Variants in FXN observed in about 807,000 individuals in gnomAD.
The protein encoded by FXN is frataxin, also known as frataxin, mitochondrial.
Under a neutral mutation model 22.4 loss-of-function variants are expected in FXN, and 14 were observed. That is an observed-to-expected ratio of 0.62 (90% confidence interval 0.41 to 0.98). The LOEUF (loss-of-function observed/expected upper bound fraction) is 0.98. FXN is among the 50% of genes least tolerant of loss of function. The pLI, the probability that FXN is intolerant of heterozygous loss-of-function variation, is 0.00. For missense variants in FXN, 267 were observed against 268.4 expected, an observed-to-expected ratio of 0.99 and a Z score of 0.04; for synonymous variants, 120 against 114.1, an observed-to-expected ratio of 1.05 and a Z score of -0.33.
intron 3 of FXN, among the ~76,000 whole-genome samples, chr9:69,057,079 T>G: frequency 6.6e-6 from 1 of 152,102 alleles, no homozygotes. Context: ...CTGAAATAAT[T>G]TTTTTGAAAG....
chr9:69,052,935 C>G (rs1283147889), intron 2 of FXN, among the ~76,000 whole-genome samples: 5 of 146,346 alleles, frequency 3.4e-5, no homozygotes, highest in Admixed American at 7.0e-5. Context: ...CTTGATGTCA[C>G]GAGTTCAGAC....
intron 4 of FXN, among the ~76,000 whole-genome samples, chr9:69,067,257 G>A (rs1832184238): frequency 6.6e-6 from 1 of 152,266 alleles, no homozygotes; most frequent in East Asian, 1.9e-4. Context: ...CACAGACTGC[G>A]GGGTTCCGGG....
chr9:69,035,983 CGCCGCGGGCCGCACGCCGCACGCCT>C, intron 1 of FXN, 36 bp downstream of exon 1: 3 of 1,381,034 alleles, frequency 2.2e-6, no homozygotes, highest in Non-Finnish European at 2.8e-6. Flanking sequence ...GCGGGCCGCA[CGCCGCGGGCCGCACGCCGCACGCCT>C]GCGCAGGGAG....
chr9:69,065,826 T>C (rs1832157967), intron 4 of FXN, among the ~76,000 whole-genome samples: 1 of 152,244 alleles, frequency 6.6e-6, no homozygotes, highest in South Asian at 2.1e-4. Context: ...AGTTGCACTT[T>C]GTCTTCAAAG....
Position 69,077,103 on chromosome 9 carries a change from G to A in FXN, c.*4341G>A, listed in dbSNP as rs543710417. On this transcript the variant is annotated 3_prime_UTR_variant, in exon 5 of 5. Transcript: ENST00000484259. ...TAATTTTTGTATTTTTAGTAGAGAC[G>A]GGGTTTCACCATCATGGCCAGGCTG... 3 of 479,254 alleles carry A rather than the reference G, an allele frequency of 6.3e-6. No homozygotes were observed. The highest frequency in any genetic ancestry group is 1.5e-4 in the East Asian group (1 of 6,496). 29.7% of individuals were successfully genotyped at this position (479,254 alleles called of 1,614,324 possible).
In FXN at chr9:69,077,533, GC is replaced by G. The variant is rs1371735142; in HGVS notation, c.*4775del. 1.0e-6 allele frequency: 1 copy of G among 985,450 alleles called. No homozygotes were observed. The highest frequency in any genetic ancestry group is 1.2e-6 in the Non-Finnish European group (1 of 829,942). The allele number at this position is 985,450 out of a possible 1,614,324, so 61.0% of individuals were successfully genotyped here. On this transcript the variant is annotated 3_prime_UTR_variant, in exon 5 of 5. Coordinates refer to ENST00000484259, the MANE Select transcript of FXN (RefSeq NM_000144.5). The stretch of plus-strand genomic sequence containing the variant: ...TCCTGTGGAAAGTCAGACCTCTGAG[GC>G]CCCATCCAGGTAGAAGTACTAGTGC...
Position 69,062,008 on chromosome 9 carries a change from C to T in FXN, c.385-2930C>T, listed in dbSNP as rs75210851. Among the ~76,000 whole-genome samples, 185 of 152,082 alleles carry T rather than the reference C, an allele frequency of 1.2e-3. 1 individual carries two copies. The highest frequency in any genetic ancestry group is 4.3e-3 in the African/African-American group (177 of 41,476). ...GAGTGGGAAATAGTATTAACGGGTG[C>T]GGGGTTTCTTTTTGGGACAATGGAA... On this transcript the variant is annotated intron_variant, in intron 3 of 4. Transcript: ENST00000484259.
At chr9:69,071,870 A>T (rs1236281593) in intron 4 of FXN, among the ~76,000 whole-genome samples, 1 of 152,234 alleles carries the variant, frequency 6.6e-6, no homozygotes, top group Non-Finnish European at 1.5e-5. Flanking sequence ...AATAAAAAAC[A>T]AAACAAAAAT....
chr9:69,072,831 G>T lies in FXN; in HGVS notation c.*69G>T. 6.3e-7 allele frequency: 1 copy of T among 1,599,356 alleles called. No individual in the cohort carries two copies. Among genetic ancestry groups the T allele is most frequent in the Non-Finnish European group, 8.5e-7 (1 of 1,175,542 alleles). On this transcript the variant is annotated 3_prime_UTR_variant, in exon 5 of 5. Transcript: ENST00000484259. ...ACCCCAGCTTCATTATGCAGCTGAG[G>T]TCTGTTTTTTGTTGTTGTTGTTGTT...
At position 69,077,689 on chromosome 9, in the gene FXN, A is replaced by G. The variant is rs1437214425; in HGVS notation, c.*4927A>G. The G allele has an allele frequency of 2.1e-6, 2 of 969,430 alleles. No individual in the cohort carries two copies. The highest frequency in any genetic ancestry group is 3.5e-5 in the African/African-American group (2 of 56,884). The allele number at this position is 969,430 out of a possible 1,614,324, so 60.1% of individuals were successfully genotyped here. A position where few individuals can be genotyped will look rare whatever the true frequency, so the allele number is the denominator to read the frequency against. On this transcript the variant is annotated 3_prime_UTR_variant, in exon 5 of 5. Coordinates refer to ENST00000484259, the MANE Select transcript of FXN (RefSeq NM_000144.5). ...TCACACCTGTAATCCCAGCACTTTG[A>G]GAGGCTGAGGCAGGTGGATCACCTG...
intron 3 of FXN, 134 bp downstream of exon 3, chr9:69,053,394 C>T: frequency 8.8e-7 from 1 of 1,142,350 alleles, no homozygotes; most frequent in Non-Finnish European, 1.3e-6. Flanking sequence ...GACTAGGGTT[C>T]CGGGAGGTGA....
chr9:69,077,945 C>T lies in FXN; in HGVS notation c.*5183C>T, dbSNP rs1251613592. 26 of 982,460 alleles carry T rather than the reference C, an allele frequency of 2.6e-5. No homozygotes were observed. The highest frequency in any genetic ancestry group is 3.0e-5 in the Non-Finnish European group (25 of 827,446). 60.9% of individuals were successfully genotyped at this position (982,460 alleles called of 1,614,324 possible). A position where few individuals can be genotyped will look rare whatever the true frequency, so the allele number is the denominator to read the frequency against. On this transcript the variant is annotated 3_prime_UTR_variant, in exon 5 of 5. Coordinates refer to ENST00000484259, the MANE Select transcript of FXN (RefSeq NM_000144.5). Reference sequence around the variant, plus strand: ...AACTCCATTAAAAAAATGTAATTCCCGTGTCTGCCATCTTAAGTGTAAAGG... The same window carrying T: ...AACTCCATTAAAAAAATGTAATTCCTGTGTCTGCCATCTTAAGTGTAAAGG...
chr9:69,037,287 G>A (rs377725001), intron 1 of FXN, among the ~76,000 whole-genome samples: 397 of 47,106 alleles, frequency 8.4e-3, no homozygotes, highest in African/African-American at 0.025. Flanking sequence ...AAAAAAAAAA[G>A]AAGAAGAAGA....
Position 69,075,389 on chromosome 9 carries a change from G to C in FXN, c.*2627G>C. ...GCAGGAGAATCGCTGTAACCTGGGG[G>C]GTGGAGGTTGCAGTGAGACGAGATC... On this transcript the variant is annotated 3_prime_UTR_variant, in exon 5 of 5. Transcript: ENST00000484259. The C allele has an allele frequency of 1.4e-6, 1 of 716,086 alleles. No homozygotes were observed. 44.4% of individuals were successfully genotyped at this position (716,086 alleles called of 1,614,324 possible).
chr9:69,052,675 T>C (rs955438279), intron 2 of FXN, among the ~76,000 whole-genome samples: 2 of 151,560 alleles, frequency 1.3e-5, no homozygotes, highest in Non-Finnish European at 2.9e-5. Context: ...CCTGAGTAGC[T>C]GGGACTACAG....
intron 3 of FXN, among the ~76,000 whole-genome samples, chr9:69,056,847 A>G (rs1831968988): frequency 7.2e-6 from 1 of 139,584 alleles, no homozygotes; most frequent in Non-Finnish European, 1.7e-5. Context: ...GGTTCAAGTG[A>G]TTCTCTTGCC....
chr9:69,051,173 C>T (rs1301030730), intron 2 of FXN, among the ~76,000 whole-genome samples: 1 of 152,238 alleles, frequency 6.6e-6, no homozygotes, highest in South Asian at 2.1e-4. Context: ...TCACAGCTCA[C>T]TGCAGCCTTG....
chr9:69,076,870 A>T lies in FXN; in HGVS notation c.*4108A>T, dbSNP rs1216127884. ...AAGTTTTGAAATTTCATGTAAATTT[A>T]TGCTGTTCAAAACGACGAGTTCATG... On this transcript the variant is annotated 3_prime_UTR_variant, in exon 5 of 5. Transcript: ENST00000484259. 1.0e-6 allele frequency: 1 copy of T among 985,390 alleles called. No homozygotes were observed. The highest frequency in any genetic ancestry group is 1.2e-6 in the Non-Finnish European group (1 of 829,968). The allele number at this position is 985,390 out of a possible 1,614,324, so 61.0% of individuals were successfully genotyped here.
At chr9:69,071,478 G>C (rs1260093280) in intron 4 of FXN, among the ~76,000 whole-genome samples, 3 of 152,194 alleles carry the variant, frequency 2.0e-5, no homozygotes, top group Non-Finnish European at 4.4e-5. Flanking sequence ...CTCCATCAGG[G>C]TGCCACATGC....
Sources: allele counts gnomAD v4.1 joint callset (sites outside exome capture counted in the v4.1 genomes callset), GRCh38; gene constraint gnomAD v4.1.1; transcripts MANE v1.5; gene names NCBI Gene and HGNC (gene_info 2026-07-23, HGNC 2026-07-21).